Variants in KIF24 observed in about 807,000 individuals in gnomAD.
KIF24 encodes the protein kinesin-like protein KIF24.
KIF24 carries 81 observed loss-of-function variants against 118.9 expected under a neutral mutation model. The observed-to-expected ratio is 0.68, with a 90% CI of 0.57 to 0.82. The LOEUF (loss-of-function observed/expected upper bound fraction) is 0.82, where lower values mean the gene tolerates loss of function less well. KIF24 is among the 40% of genes least tolerant of loss of function. The probability of loss-of-function intolerance (pLI) is 0.00; values close to 1 mark genes in which losing one functional copy is unlikely to be tolerated. For missense variants in KIF24, 1,560 were observed against 1,661.6 expected (o/e 0.94, Z 1.06); for synonymous variants, 599 against 610.0 (o/e 0.98, Z 0.27).
intron 6 of KIF24, among the ~76,000 whole-genome samples, chr9:34,276,402 C>CAAAAA (rs11419785): frequency 1.2e-5 from 1 of 80,706 alleles, no homozygotes; most frequent in African/African-American, 4.5e-5. Flanking sequence ...AACTGCATCT[C>CAAAAA]AAAAAAAAAA....
chr9:34,272,659 G>C (rs562145672), intron 6 of KIF24, among the ~76,000 whole-genome samples: 2 of 152,292 alleles, frequency 1.3e-5, no homozygotes, highest in South Asian at 2.1e-4. Flanking sequence ...GGCTTACTCT[G>C]TTACCCAGGC....
intron 8 of KIF24, among the ~76,000 whole-genome samples, chr9:34,267,897 G>A (rs1206705388): frequency 6.6e-6 from 1 of 152,146 alleles, no homozygotes; most frequent in Non-Finnish European, 1.5e-5. Context: ...AAAGATGCAG[G>A]TGGCCAAGTA....
intron 3 of KIF24, among the ~76,000 whole-genome samples, chr9:34,300,384 T>C (rs1422354442): frequency 6.6e-6 from 1 of 152,060 alleles, no homozygotes; most frequent in Non-Finnish European, 1.5e-5. Context: ...TTTTTTTTTT[T>C]TTGAGACAGA....
chr9:34,287,116 G>A (rs1006708912), intron 5 of KIF24, among the ~76,000 whole-genome samples: 9 of 152,200 alleles, frequency 5.9e-5, no homozygotes, highest in African/African-American at 2.2e-4. Flanking sequence ...ATGGCCCTGT[G>A]GCCCTGGGAG....
intron 1 of KIF24, chr9:34,319,326 G>C (rs987131151): frequency 1.9e-5 from 17 of 903,002 alleles, no homozygotes; most frequent in Non-Finnish European, 3.0e-5. Context: ...TGCCCAAGCG[G>C]GTGGTGGAAG....
chr9:34,318,872 GA>G lies in KIF24; in HGVS notation c.-25-7502del. On this transcript the variant is annotated intron_variant, in intron 1 of 12. Transcript: ENST00000402558. This position sits in a 1 kb window ranked among gnomAD's most constrained non-coding sequence, Gnocchi z 4.9. ...CAGCAGCAAGCAGCACTACAACTGC[GA>G]GCACTCCAAGATCAATTTCCATGAC... 6.2e-7 allele frequency: 1 copy of G among 1,600,992 alleles called. No homozygotes were observed. Among genetic ancestry groups the G allele is most frequent in the Middle Eastern group, 1.7e-4 (1 of 6,050 alleles).
chr9:34,254,557 C>T (rs1834744605), intron 12 of KIF24, 37 bp from the exon 13 acceptor site: 1 of 1,596,600 alleles, frequency 6.3e-7, no homozygotes. Context: ...AGCTTTTGCT[C>T]TTGCTGGCGC....
At chr9:34,331,218 G>C (rs1195560029), upstream of KIF24, among the ~76,000 whole-genome samples, 1 of 152,186 alleles carries the variant, frequency 6.6e-6, no homozygotes, top group East Asian at 1.9e-4. Context: ...GTGTTGAGCA[G>C]TTTAACAGAC....
At chr9:34,275,277 C>T (rs972164235) in intron 6 of KIF24, among the ~76,000 whole-genome samples, 1 of 151,932 alleles carries the variant, frequency 6.6e-6, no homozygotes, top group African/African-American at 2.4e-5. Flanking sequence ...ACTTGTAGTC[C>T]CAGCTACTCA....
chr9:34,262,685 T>A (rs1353831945), intron 9 of KIF24, among the ~76,000 whole-genome samples: 32 of 20,172 alleles, frequency 1.6e-3, no homozygotes, highest in African/African-American at 5.7e-3. Context: ...AATATATATA[T>A]ATATATATAT....
intron 4 of KIF24, among the ~76,000 whole-genome samples, chr9:34,292,464 C>T (rs998476922): frequency 6.6e-6 from 1 of 152,054 alleles, no homozygotes. Flanking sequence ...GACCTGTCTC[C>T]TGGGCTTGCG....
rs1357001848 is a variant in KIF24, at chr9:34,266,225, CCA to C, written c.1443+3030_1443+3031del. The stretch of plus-strand genomic sequence containing the variant: ...TTAAACTAATTTATTACTATAAATC[CCA>C]CATATACCACATATATTTTTCCTTT... On this transcript the variant is annotated intron_variant, in intron 8 of 12. Transcript: ENST00000402558. Among the ~76,000 whole-genome samples, 11 of 574 alleles carry C rather than the reference CCA, an allele frequency of 0.019. No homozygotes were observed. In the East Asian group the frequency reaches 0.36, roughly 19 times the overall value. 0.4% of individuals were successfully genotyped at this position (574 alleles called of 152,430 possible).
chr9:34,288,196 T>C (rs892263314), intron 5 of KIF24, among the ~76,000 whole-genome samples: 2 of 152,146 alleles, frequency 1.3e-5, no homozygotes, highest in East Asian at 3.9e-4. Flanking sequence ...AAATCTTATT[T>C]AAAAATTGGT....
rs755395673 is a variant in KIF24 at position 34,254,349 on chromosome 9, G to A, written c.*31C>T. 3.5e-5 allele frequency: 56 copies of A among 1,590,212 alleles called. No homozygotes were observed. Among genetic ancestry groups the A allele is most frequent in the Non-Finnish European group, 3.8e-5 (44 of 1,169,924 alleles). On this transcript the variant is annotated 3_prime_UTR_variant, in exon 13 of 13. Transcript: ENST00000402558. Reference sequence around the variant, plus strand: ...GAGAGCCCAGCACAGACTCCTGCAGGGCCCCCACCATCTCGGCACAGGGTC... The same window carrying A: ...GAGAGCCCAGCACAGACTCCTGCAGAGCCCCCACCATCTCGGCACAGGGTC...
chr9:34,318,896 G>A lies in KIF24; in HGVS notation c.-25-7525C>T. 2 of 1,595,828 alleles carry A rather than the reference G, an allele frequency of 1.3e-6. No homozygotes were observed. Among genetic ancestry groups the A allele is most frequent in the Non-Finnish European group, 1.7e-6 (2 of 1,168,108 alleles). ...CGAGCACTCCAAGATCAATTTCCATGACAAGCGCAGTGCGCTGCAGTCCAT... is the reference window on the plus strand; with the variant it reads ...CGAGCACTCCAAGATCAATTTCCATAACAAGCGCAGTGCGCTGCAGTCCAT... On this transcript the variant is annotated intron_variant, in intron 1 of 12. Transcript: ENST00000402558. The surrounding 1 kb of genome is among the most constrained non-coding windows in gnomAD (Gnocchi z 4.9).
intron 8 of KIF24, among the ~76,000 whole-genome samples, chr9:34,265,282 C>T (rs1210316655): frequency 1.3e-5 from 2 of 152,126 alleles, no homozygotes; most frequent in Non-Finnish European, 1.5e-5. Flanking sequence ...GATCCTCTCA[C>T]CTCAGCCTCC....
Position 34,255,088 on chromosome 9 carries a change from C to T in KIF24, c.3950G>A (p.Ser1317Asn). The change falls in exon 12 of 13, where the codon AGC (serine) becomes AAC (asparagine). Residue 1317 changes from serine to asparagine, a missense_variant. Around this residue, in one of 3 missense-constraint regions of KIF24, gnomAD observed 591 missense variants for 655.6 expected, o/e 0.90. Transcript: ENST00000402558. ...GCTACTTACATTAGAAGCCAGCTGGCTCATCAGCGTCTCCTCCTTGAAGCC... is the reference window on the plus strand; with the variant it reads ...GCTACTTACATTAGAAGCCAGCTGGTTCATCAGCGTCTCCTCCTTGAAGCC... ...ELGFKEETLM[S>N]QLASNDFEDF... The T allele has an allele frequency of 6.3e-7, 1 of 1,591,610 alleles. No individual in the cohort carries two copies. The highest frequency in any genetic ancestry group is 1.1e-5 in the South Asian group (1 of 87,224).
Position 34,255,874 on chromosome 9 carries a change from G to T in KIF24, c.3733C>A (p.Pro1245Thr). 1.2e-6 allele frequency: 2 copies of T among 1,614,018 alleles called. No individual in the cohort carries two copies. Among genetic ancestry groups the T allele is most frequent in the Non-Finnish European group, 1.7e-6 (2 of 1,179,892 alleles). The change falls in exon 11 of 13, where the codon CCC becomes ACC. Residue 1245 changes from proline (P) to threonine (T), a missense_variant. By Grantham distance (38) the Pro-to-Thr change is conservative (BLOSUM62 -1). Coordinates refer to ENST00000402558, the MANE Select transcript of KIF24 (RefSeq NM_194313.4). ...CATGTGACATTTTCACTGTTGCAGG[G>T]CAACTTGATGGGGTCTGTGGACAAA... ...FGLSTDPIKL[P>T]CNSENVTWLK...
chr9:34,265,566 T>C (rs561525334), intron 8 of KIF24, among the ~76,000 whole-genome samples: 18 of 152,162 alleles, frequency 1.2e-4, no homozygotes, highest in African/African-American at 2.4e-4. Context: ...CACTATGAAA[T>C]TGGCAGGCTT....
Sources: allele counts gnomAD v4.1 joint callset (sites outside exome capture counted in the v4.1 genomes callset), GRCh38; gene constraint gnomAD v4.1.1; regional missense constraint gnomAD v4.1.1; non-coding constraint Gnocchi (gnomAD v3.1); transcripts MANE v1.5; gene names NCBI Gene and HGNC (gene_info 2026-07-23, HGNC 2026-07-21).